The following MLXIPL variants were observed in gnomAD, a reference collection of about 807,000 sequenced individuals.
MLXIPL encodes the protein MLX interacting protein like, also known as carbohydrate-responsive element-binding protein.
MLXIPL carries 49 observed loss-of-function variants against 81.5 expected under a neutral mutation model. That is an observed-to-expected ratio of 0.60 (90% CI 0.48 to 0.76). The LOEUF (loss-of-function observed/expected upper bound fraction) is 0.76. MLXIPL is among the 30% of genes least tolerant of loss of function. MLXIPL has a pLI of 0.00. For synonymous variants in MLXIPL, 466 were observed against 485.5 expected (o/e 0.96, Z 0.53); for missense variants, 1,053 against 1,167.0 (o/e 0.90, Z 1.42).
upstream of MLXIPL, among the ~76,000 whole-genome samples, chr7:73,628,428 C>T (rs559218251): frequency 1.3e-5 from 2 of 152,158 alleles, no homozygotes; most frequent in African/African-American, 2.4e-5. Context: ...AAAGACAAAC[C>T]CTGACTGCAC....
At chr7:73,627,919 T>C (rs1796777913), upstream of MLXIPL, among the ~76,000 whole-genome samples, 1 of 152,126 alleles carries the variant, frequency 6.6e-6, no homozygotes. Context: ...TCTGTCTCTC[T>C]GTCTTACTGG....
At chr7:73,644,777 G>A in the MLXIPL span, among the ~76,000 whole-genome samples, 1 of 152,168 alleles carries the variant, frequency 6.6e-6, no homozygotes, top group African/African-American at 2.4e-5. Context: ...GATGGAAAAC[G>A]CTTCTCAGAC....
At chr7:73,631,948 C>T in the MLXIPL span, among the ~76,000 whole-genome samples, 13 of 84,960 alleles carry the variant, frequency 1.5e-4, no homozygotes, top group African/African-American at 4.2e-4. Flanking sequence ...CTTCTTTTCT[C>T]TTTTCTTTTC....
chr7:73,606,407 G>T (rs1418778237), intron 5 of MLXIPL: 254 of 453,906 alleles, frequency 5.6e-4, no homozygotes, highest in Middle Eastern at 5.9e-4. Context: ...TTTTTTTTTT[G>T]TTTGTTTTCT....
chr7:73,611,539 G>C (rs1186382413), intron 2 of MLXIPL: 1 of 152,212 alleles, frequency 6.6e-6, no homozygotes, highest in Non-Finnish European at 1.5e-5. Flanking sequence ...AAATCTGCTG[G>C]GCACGGTGGC....
chr7:73,596,470 C>A lies in MLXIPL; in HGVS notation c.1832G>T (p.Arg611Leu). The change falls in exon 12 of 17, where the codon CGG becomes CTG. Residue 611 changes from arginine to leucine, a missense_variant. Physicochemically the swap from Arg to Leu is moderately radical, Grantham distance 102 (BLOSUM62 -2). Coordinates refer to ENST00000313375, the MANE Select transcript of MLXIPL (RefSeq NM_032951.3). The surrounding 1 kb of genome is among the most constrained non-coding windows in gnomAD (Gnocchi z 4.7). ...LSPPAPSGSERRLSGDLSSMP... is the reference protein window; with the variant it reads ...LSPPAPSGSELRLSGDLSSMP... ...GGAGCTGAGGTCCCCTGACAGCCGC[C>A]GTTCACTGCCTGTGGTAGGGACAGA... 1.2e-6 allele frequency: 2 copies of A among 1,612,920 alleles called. No homozygotes were observed. Among genetic ancestry groups the A allele is most frequent in the Non-Finnish European group, 1.7e-6 (2 of 1,179,990 alleles).
Position 73,616,080 on chromosome 7 carries a change from AC to A in MLXIPL, c.390del (p.Trp130CysfsTer6). ...GGTGGTAGCCACTCACACTGGATATACCAGGCCCTCCAGATGGCGTTGTTCA... is the reference window on the plus strand; with the variant it reads ...GGTGGTAGCCACTCACACTGGATATACAGGCCCTCCAGATGGCGTTGTTCA... ...IRLNNAIWRA[W>X]YIQYVKRRKS... On this transcript the variant is annotated frameshift_variant, in exon 2 of 17. Coordinates refer to ENST00000313375, the MANE Select transcript of MLXIPL (RefSeq NM_032951.3). LOFTEE classifies it high-confidence loss of function. 1 of 1,613,742 alleles carries A rather than the reference AC, an allele frequency of 6.2e-7. No individual in the cohort carries two copies. The highest frequency in any genetic ancestry group is 8.5e-7 in the Non-Finnish European group (1 of 1,179,768).
chr7:73,625,223 C>T (rs982849696), upstream of MLXIPL, among the ~76,000 whole-genome samples: 5 of 152,166 alleles, frequency 3.3e-5, no homozygotes, highest in Non-Finnish European at 5.9e-5. Flanking sequence ...AGCCTGAAAG[C>T]GCCTCAGGAC....
At chr7:73,630,285 CTTT>C in the MLXIPL span, among the ~76,000 whole-genome samples, 443 of 97,822 alleles carry the variant, frequency 4.5e-3, 1 homozygote, top group Middle Eastern at 9.3e-3. Context: ...GCCAGCTTGT[CTTT>C]TTTTTTTTTT....
At chr7:73,624,158 C>A in intron 1 of MLXIPL, 42 bp downstream of exon 1, 2 of 1,515,676 alleles carry the variant, frequency 1.3e-6, no homozygotes, top group Non-Finnish European at 8.9e-7. Flanking sequence ...CCCCCATCCC[C>A]ACCTGGAAGC....
chr7:73,616,045 T>C (rs1554600663), intron 2 of MLXIPL, 26 bp downstream of exon 2: 1 of 1,585,968 alleles, frequency 6.3e-7, no homozygotes, highest in East Asian at 2.2e-5. Flanking sequence ...CCCTCCCGGC[T>C]TGGGAGGCTG....
chr7:73,641,018 G>A, the MLXIPL span, among the ~76,000 whole-genome samples: 1 of 151,802 alleles, frequency 6.6e-6, no homozygotes, highest in Non-Finnish European at 1.5e-5. Flanking sequence ...AGATCTGTAG[G>A]GGGCCAGGCA....
chr7:73,618,249 A>G (rs1584144168), intron 1 of MLXIPL, among the ~76,000 whole-genome samples: 1 of 152,178 alleles, frequency 6.6e-6, no homozygotes, highest in Admixed American at 6.5e-5. Context: ...GGCATATGCC[A>G]TGACACCCAG....
At chr7:73,627,528 C>T (rs781934850), upstream of MLXIPL, among the ~76,000 whole-genome samples, 3 of 152,108 alleles carry the variant, frequency 2.0e-5, no homozygotes, top group Non-Finnish European at 4.4e-5. Flanking sequence ...GTATTACAGG[C>T]GTGAGCCACC....
the MLXIPL span, among the ~76,000 whole-genome samples, chr7:73,631,558 C>CTT: frequency 4.3e-4 from 30 of 69,664 alleles, 2 homozygotes; most frequent in South Asian, 8.8e-4. Context: ...GATGTTGCTA[C>CTT]TTTTTTTTTT....
chr7:73,607,853 C>CTTTTCTTTTT (rs1795427072), intron 2 of MLXIPL, among the ~76,000 whole-genome samples, 181 bp from the exon 3 acceptor site: 1 of 110,360 alleles, frequency 9.1e-6, no homozygotes, highest in South Asian at 2.8e-4. Context: ...CTAGATCTTC[C>CTTTTCTTTTT]TTTTTTTTTT....
At chr7:73,641,188 G>A in the MLXIPL span, among the ~76,000 whole-genome samples, 1 of 152,120 alleles carries the variant, frequency 6.6e-6, no homozygotes, top group Non-Finnish European at 1.5e-5. Context: ...AGCTACCAGG[G>A]AGACTAAGGC....
chr7:73,637,958 A>G, the MLXIPL span, among the ~76,000 whole-genome samples: 1 of 152,140 alleles, frequency 6.6e-6, no homozygotes, highest in South Asian at 2.1e-4. Context: ...ACGCAGTGGC[A>G]CCACTGCCAG....
rs181239280 is a variant in MLXIPL at position 73,614,721 on chromosome 7, A to G, written c.400+1350T>C. Among the ~76,000 whole-genome samples the G allele has an allele frequency of 5.9e-5, 9 of 152,112 alleles. No individual in the cohort carries two copies. In the East Asian group the frequency reaches 1.7e-3, roughly 29 times the overall value. ...CTTAAGGATACATCATGTATTGGAT[A>G]CCAACTTAGTGGCAACACCCTGGAA... On this transcript the variant is annotated intron_variant, in intron 2 of 16. Coordinates refer to ENST00000313375, the MANE Select transcript of MLXIPL (RefSeq NM_032951.3).
Sources: allele counts gnomAD v4.1 joint callset (sites outside exome capture counted in the v4.1 genomes callset), GRCh38; gene constraint gnomAD v4.1.1; non-coding constraint Gnocchi (gnomAD v3.1); transcripts MANE v1.5; gene names NCBI Gene and HGNC (gene_info 2026-07-23, HGNC 2026-07-21).